Variants in TBC1D32 observed in about 807,000 individuals in gnomAD.
TBC1D32 encodes the protein protein broad-minded.
In TBC1D32, 151 loss-of-function variants were observed where a neutral mutation model predicts 170.3. The observed-to-expected ratio is 0.89, with a 90% CI of 0.78 to 1.01. TBC1D32 has a LOEUF of 1.01. Among genes scored for constraint, TBC1D32 ranks in the 50% least tolerant of loss-of-function variants. TBC1D32 has a pLI of 0.00. For synonymous variants in TBC1D32, 498 were observed against 488.0 expected, an observed-to-expected ratio of 1.02 and a Z score of -0.27; for missense variants, 1,464 against 1,457.1, an observed-to-expected ratio of 1.00 and a Z score of -0.08.
At position 121,256,065 on chromosome 6, in the gene TBC1D32, G is replaced by A. The variant is rs578011161; in HGVS notation, c.1935+19C>T. ...ATAAAGATTTGCAGGGAGAAAAAAC[G>A]AAGCTTGAAAATACTTACCTTTTTC... On this transcript the variant is annotated intron_variant, in intron 16 of 31. Coordinates refer to ENST00000398212, the MANE Select transcript of TBC1D32 (RefSeq NM_152730.6). The A allele has an allele frequency of 3.3e-4, 520 of 1,594,696 alleles. 3 individuals are homozygous for A. In the South Asian group the frequency reaches 5.4e-3, roughly 16 times the overall value.
chr6:121,232,144 G>A (rs1461280216), intron 20 of TBC1D32, among the ~76,000 whole-genome samples: 3 of 151,984 alleles, frequency 2.0e-5, no homozygotes, highest in Non-Finnish European at 2.9e-5. Context: ...TTCTACATGT[G>A]GCTTGCTAAT....
intron 31 of TBC1D32, among the ~76,000 whole-genome samples, chr6:121,084,898 G>A (rs1776025433): frequency 6.6e-6 from 1 of 151,840 alleles, no homozygotes; most frequent in African/African-American, 2.4e-5. Context: ...TAATGCCCTT[G>A]CAAAATGATG....
At chr6:121,291,970 T>C in intron 12 of TBC1D32, 83 bp downstream of exon 12, 1 of 1,367,350 alleles carries the variant, frequency 7.3e-7, no homozygotes, top group Non-Finnish European at 9.7e-7. Context: ...GAAAGGAACA[T>C]GCCAAATTTC....
intron 26 of TBC1D32, among the ~76,000 whole-genome samples, chr6:121,123,823 G>T (rs1780537761): frequency 6.7e-6 from 1 of 149,670 alleles, no homozygotes. Flanking sequence ...ACCTTCTTTT[G>T]CATTTATTTT....
intron 29 of TBC1D32, 26 bp from the exon 30 acceptor site, chr6:121,106,189 T>G: frequency 8.1e-7 from 1 of 1,241,930 alleles, no homozygotes; most frequent in Non-Finnish European, 1.0e-6. Flanking sequence ...AAATTAAAAA[T>G]TTTATTAATT....
At chr6:121,254,394 A>G (rs543552124) in intron 17 of TBC1D32, among the ~76,000 whole-genome samples, 1 of 152,276 alleles carries the variant, frequency 6.6e-6, no homozygotes, top group African/African-American at 2.4e-5. Context: ...TGAAATAAAA[A>G]TTGAAATCAC....
In TBC1D32 at chr6:121,080,568, T is replaced by C. The variant is rs218868; in HGVS notation, c.*203A>G. 5.5e-5 allele frequency: 34 copies of C among 615,952 alleles called. No homozygotes were observed. The highest frequency in any genetic ancestry group is 7.9e-5 in the Non-Finnish European group (31 of 391,934). 38.2% of individuals were successfully genotyped at this position (615,952 alleles called of 1,614,324 possible). On this transcript the variant is annotated 3_prime_UTR_variant, in exon 32 of 32. Transcript: ENST00000398212. ...TAAAAGTAAGCTAGATCTGATTCTA[T>C]AATAACCTTACAAAACAACAAATTT...
intron 22 of TBC1D32, among the ~76,000 whole-genome samples, chr6:121,202,890 A>T (rs1031357246): frequency 6.6e-6 from 1 of 151,458 alleles, no homozygotes; most frequent in Non-Finnish European, 1.5e-5. Flanking sequence ...ACTAAGCCTC[A>T]TATTAGCTTC....
chr6:121,256,821 T>C (rs1799083632), intron 15 of TBC1D32, among the ~76,000 whole-genome samples: 1 of 151,726 alleles, frequency 6.6e-6, no homozygotes, highest in Non-Finnish European at 1.5e-5. Context: ...AGGGGCATGC[T>C]ACCATGCCTG....
intron 9 of TBC1D32, 138 bp downstream of exon 9, chr6:121,303,479 A>G (rs1326587019): frequency 2.8e-6 from 2 of 709,960 alleles, no homozygotes; most frequent in Non-Finnish European, 3.9e-6. Flanking sequence ...CAACCTCGTA[A>G]AGTTTTATAA....
At chr6:121,093,942 A>C (rs546754938) in intron 30 of TBC1D32, among the ~76,000 whole-genome samples, 1 of 152,182 alleles carries the variant, frequency 6.6e-6, no homozygotes. Context: ...TAATATTATC[A>C]TTTTTTATGT....
chr6:121,303,493 A>G, intron 9 of TBC1D32, 124 bp downstream of exon 9: 1 of 803,286 alleles, frequency 1.2e-6, no homozygotes, highest in Middle Eastern at 4.3e-4. Context: ...TTTATAAGAA[A>G]TAAATGAGCT....
At chr6:121,159,151 G>C (rs1466053013) in intron 24 of TBC1D32, among the ~76,000 whole-genome samples, 2 of 152,144 alleles carry the variant, frequency 1.3e-5, no homozygotes. Flanking sequence ...CTTTGGAAGA[G>C]TATCCTGCTT....
At chr6:121,186,486 T>C (rs569090894) in intron 22 of TBC1D32, among the ~76,000 whole-genome samples, 1 of 152,128 alleles carries the variant, frequency 6.6e-6, no homozygotes, top group Non-Finnish European at 1.5e-5. Flanking sequence ...AGTGGGGTTG[T>C]TTGAATTACA....
chr6:121,242,381 T>C (rs755642458), intron 17 of TBC1D32, 42 bp from the exon 18 acceptor site: 2 of 1,591,884 alleles, frequency 1.3e-6, no homozygotes, highest in Admixed American at 3.5e-5. Context: ...TTTAAGATAC[T>C]AAAAACTGAA....
At chr6:121,277,049 G>A (rs1468404869) in intron 15 of TBC1D32, among the ~76,000 whole-genome samples, 1 of 152,132 alleles carries the variant, frequency 6.6e-6, no homozygotes, top group Non-Finnish European at 1.5e-5. Context: ...CCATCAATCA[G>A]CTGAATATAA....
chr6:121,219,956 GA>G (rs1181662178), intron 21 of TBC1D32, among the ~76,000 whole-genome samples: 1 of 152,148 alleles, frequency 6.6e-6, no homozygotes, highest in Non-Finnish European at 1.5e-5. Flanking sequence ...ACTGTATCCA[GA>G]TAAGACAACA....
chr6:121,210,483 A>C (rs1478259962), intron 21 of TBC1D32, among the ~76,000 whole-genome samples: 1 of 152,208 alleles, frequency 6.6e-6, no homozygotes, highest in Non-Finnish European at 1.5e-5. Flanking sequence ...ATACTGGAAT[A>C]TATTACACGT....
At chr6:121,107,965 C>T (rs1397394729) in intron 29 of TBC1D32, among the ~76,000 whole-genome samples, 4 of 152,018 alleles carry the variant, frequency 2.6e-5, no homozygotes, top group Non-Finnish European at 4.4e-5. Flanking sequence ...ATAAATTAGA[C>T]TCTGTTGGAA....
Sources: gnomAD v4.1 joint callset for allele counts (sites outside exome capture counted in the v4.1 genomes callset) on GRCh38, gnomAD v4.1.1 for gene constraint, MANE v1.5 for transcripts, NCBI Gene and HGNC (gene_info 2026-07-23, HGNC 2026-07-21) for gene names.